BAIAP2: variants seen among roughly 807,000 people sequenced by gnomAD.
BAIAP2 encodes BAR/IMD domain containing adaptor protein 2, also known as BAR/IMD domain-containing adapter protein 2.
BAIAP2 carries 18 observed loss-of-function variants against 63.0 expected under a neutral mutation model. The observed-to-expected ratio is 0.29, with a 90% CI of 0.20 to 0.42. The LOEUF is 0.42. BAIAP2 is among the 10% of genes least tolerant of loss of function. BAIAP2 has a pLI of 1.00. For synonymous variants in BAIAP2, 386 were observed against 307.6 expected (o/e 1.25, Z -2.67); for missense variants, 610 against 734.3 (o/e 0.83, Z 1.96).
At chr17:81,083,131 G>C (rs2054922563) in intron 3 of BAIAP2, 1 of 152,366 alleles carries the variant, frequency 6.6e-6, no homozygotes, top group Admixed American at 6.5e-5. Context: ...CCGTGGTCCT[G>C]GGAGGCAGCA....
At chr17:81,041,481 C>T (rs2047066353) in intron 1 of BAIAP2, among the ~76,000 whole-genome samples, 1 of 152,176 alleles carries the variant, frequency 6.6e-6, no homozygotes, top group South Asian at 2.1e-4. Flanking sequence ...TTTGCTCTTG[C>T]TTAGAGTTTT....
At chr17:81,086,657 G>T in intron 6 of BAIAP2, 77 bp downstream of exon 6, 2 of 1,541,764 alleles carry the variant, frequency 1.3e-6, no homozygotes, top group East Asian at 2.3e-5. Context: ...CTCGTCCACA[G>T]GGAGTGGACA....
intron 3 of BAIAP2, among the ~76,000 whole-genome samples, chr17:81,073,751 TA>T (rs1244328518): frequency 4.6e-5 from 7 of 151,878 alleles, no homozygotes; most frequent in African/African-American, 7.3e-5. Flanking sequence ...TTTTCTGGAG[TA>T]AAAAAAGGCA....
intron 3 of BAIAP2, among the ~76,000 whole-genome samples, chr17:81,059,957 C>T (rs2050260735): frequency 1.3e-5 from 2 of 152,218 alleles, no homozygotes; most frequent in East Asian, 1.9e-4. Flanking sequence ...TGCAAGAAGG[C>T]GCTGAGCCCA....
intron 1 of BAIAP2, among the ~76,000 whole-genome samples, chr17:81,049,972 C>G (rs2048405255): frequency 6.6e-6 from 1 of 152,198 alleles, no homozygotes; most frequent in Non-Finnish European, 1.5e-5. Context: ...TTCGGAGGCT[C>G]AGAGAGACGC....
At chr17:81,038,050 A>C (rs1261057416) in intron 1 of BAIAP2, among the ~76,000 whole-genome samples, 1 of 152,170 alleles carries the variant, frequency 6.6e-6, no homozygotes, top group Non-Finnish European at 1.5e-5. Context: ...TTCTGGGGGC[A>C]CTGCGTGGGC....
chr17:81,057,980 C>T lies in BAIAP2; in HGVS notation c.217+13C>T, dbSNP rs776602899. 6.0e-6 allele frequency: 7 copies of T among 1,167,620 alleles called. No individual in the cohort carries two copies. The highest frequency in any genetic ancestry group is 3.3e-5 in the South Asian group (2 of 61,298). The allele number at this position is 1,167,620 out of a possible 1,614,324, so 72.3% of individuals were successfully genotyped here. Reference sequence around the variant, plus strand: ...TCCAAAGAACTCGGTGAGACCCCCCCCCCCCCCCCGCCTGGTAGTCGCCTG... The same window carrying T: ...TCCAAAGAACTCGGTGAGACCCCCCTCCCCCCCCCGCCTGGTAGTCGCCTG... On this transcript the variant is annotated intron_variant, in intron 3 of 13. Transcript: ENST00000428708.
intron 4 of BAIAP2, chr17:81,085,402 G>A (rs545804869): frequency 4.8e-5 from 31 of 646,236 alleles, no homozygotes; most frequent in South Asian, 2.3e-4. Flanking sequence ...GGGGATGGCC[G>A]TTTGTTTCCC....
At chr17:81,108,782 A>G (rs1387819210) in intron 13 of BAIAP2, 2 of 1,029,608 alleles carry the variant, frequency 1.9e-6, no homozygotes, top group South Asian at 3.4e-5. Flanking sequence ...TGAGGCTGGC[A>G]TCCATGGCTG....
At position 81,068,759 on chromosome 17, in the gene BAIAP2, G is replaced by A. The variant is rs1001593757; in HGVS notation, c.217+10792G>A. Among the ~76,000 whole-genome samples the A allele has an allele frequency of 2.6e-5, 4 of 152,202 alleles. No individual in the cohort carries two copies. In the East Asian group the frequency reaches 5.8e-4, roughly 22 times the overall value. On this transcript the variant is annotated intron_variant, in intron 3 of 13. Transcript: ENST00000428708. Reference sequence around the variant, plus strand: ...GAAGTCCTGCGGGAGGGCCTGGGGGGACTCCGGTCCCAGGGAGGTGTCTTT... The same window carrying A: ...GAAGTCCTGCGGGAGGGCCTGGGGGAACTCCGGTCCCAGGGAGGTGTCTTT...
intron 1 of BAIAP2, among the ~76,000 whole-genome samples, chr17:81,043,337 C>T (rs1286637097): frequency 2.6e-5 from 4 of 152,210 alleles, no homozygotes; most frequent in East Asian, 1.9e-4. Flanking sequence ...ACGGAAAGCC[C>T]GTCCTCACGC....
chr17:81,102,901 C>T (rs1391679646), intron 7 of BAIAP2, among the ~76,000 whole-genome samples: 3 of 152,238 alleles, frequency 2.0e-5, no homozygotes, highest in Non-Finnish European at 4.4e-5. Flanking sequence ...GGACCCAGGC[C>T]CGGCCGGCTC....
rs1350886781 is a variant in BAIAP2, at chr17:81,046,091, G to A, written c.55-7577G>A. Among the ~76,000 whole-genome samples the A allele has an allele frequency of 1.3e-5, 2 of 152,112 alleles. No individual in the cohort carries two copies. Among genetic ancestry groups the A allele is most frequent in the African/African-American group, 4.8e-5 (2 of 41,404 alleles). ...GGGACCCTATTAATACTCACAGGGA[G>A]GCAGAGCTGCCGGCTCCTGCACGCC... On this transcript the variant is annotated intron_variant, in intron 1 of 13. Transcript: ENST00000428708. The surrounding 1 kb of genome is among the most constrained non-coding windows in gnomAD (Gnocchi z 4.5).
chr17:81,098,258 G>A, intron 6 of BAIAP2: 2 of 1,226,636 alleles, frequency 1.6e-6, no homozygotes, highest in East Asian at 3.1e-5. Flanking sequence ...CCCAGGATGG[G>A]AGCACAGTCC....
chr17:81,092,582 C>T (rs1479792296), intron 6 of BAIAP2, among the ~76,000 whole-genome samples: 2 of 152,118 alleles, frequency 1.3e-5, no homozygotes, highest in East Asian at 1.9e-4. Flanking sequence ...TTGGGATTTC[C>T]ATGAAAAGAA....
chr17:81,085,440 C>A, intron 4 of BAIAP2: 1 of 683,390 alleles, frequency 1.5e-6, no homozygotes, highest in Non-Finnish European at 2.7e-6. Flanking sequence ...CGAGATTGTC[C>A]GACGTTCCAG....
At chr17:81,044,349 G>T (rs1009163113) in intron 1 of BAIAP2, among the ~76,000 whole-genome samples, 1 of 152,222 alleles carries the variant, frequency 6.6e-6, no homozygotes, top group African/African-American at 2.4e-5. Flanking sequence ...TAGTGACCGG[G>T]CCTTTCCACG....
chr17:81,046,923 C>T lies in BAIAP2; in HGVS notation c.55-6745C>T, dbSNP rs1302712453. Reference sequence around the variant, plus strand: ...GGTGGCACAGCGGGCTGGGGGAAGCCCCTCTGGCACTGCCGGCCCCGCAGC... The same window carrying T: ...GGTGGCACAGCGGGCTGGGGGAAGCTCCTCTGGCACTGCCGGCCCCGCAGC... On this transcript the variant is annotated intron_variant, in intron 1 of 13. Transcript: ENST00000428708. This position sits in a 1 kb window ranked among gnomAD's most constrained non-coding sequence, Gnocchi z 4.5. 1.3e-5 allele frequency among the ~76,000 whole-genome samples: 2 copies of T among 152,240 alleles called. No individual in the cohort carries two copies. The highest frequency in any genetic ancestry group is 2.4e-5 in the African/African-American group (1 of 41,468).
Position 81,115,826 on chromosome 17 carries a change from C to T in BAIAP2, c.1592C>T (p.Pro531Leu), listed in dbSNP as rs777925459. The change falls in exon 14 of 14, where the codon CCC becomes CTC. Residue 531 changes from proline (P) to leucine (L), a missense_variant. Coordinates refer to ENST00000428708, the MANE Select transcript of BAIAP2 (RefSeq NM_001144888.2). ...ACAGTGACCAACGACAGGTCTGCCC[C>T]CCTCCTCAGCTGATGGCCACATCTG... ...KPTVTNDRSA[P>L]LLS The T allele has an allele frequency of 6.2e-7, 1 of 1,613,496 alleles. No homozygotes were observed. The highest frequency in any genetic ancestry group is 1.7e-5 in the Admixed American group (1 of 60,026).
Sources: gnomAD v4.1 joint callset for allele counts (sites outside exome capture counted in the v4.1 genomes callset) on GRCh38, gnomAD v4.1.1 for gene constraint, Gnocchi (gnomAD v3.1) non-coding constraint, MANE v1.5 for transcripts, NCBI Gene and HGNC (gene_info 2026-07-23, HGNC 2026-07-21) for gene names.